CCZ1B: variants seen among roughly 807,000 people sequenced by gnomAD.
The protein encoded by CCZ1B is vacuolar fusion protein CCZ1 homolog B.
In CCZ1B, 25 loss-of-function variants were observed where a neutral mutation model predicts 58.8. The ratio of observed to expected loss-of-function variants is 0.43; its 90% confidence interval spans 0.31 to 0.59. The LOEUF (loss-of-function observed/expected upper bound fraction) is 0.59. Among genes scored for constraint, CCZ1B ranks in the 20% least tolerant of loss-of-function variants. The pLI is 0.12. For synonymous variants in CCZ1B, 66 were observed against 173.2 expected, an observed-to-expected ratio of 0.38 and a Z score of 4.86; for missense variants, 180 against 501.5, an observed-to-expected ratio of 0.36 and a Z score of 6.12.
At chr7:6,823,291 T>C (rs1783140849) in intron 5 of CCZ1B, 22 bp downstream of exon 5, 1 of 1,605,122 alleles carries the variant, frequency 6.2e-7, no homozygotes, top group Non-Finnish European at 8.5e-7. Flanking sequence ...GACTCTGAGT[T>C]GAGAAAGAAC....
chr7:6,813,437 G>T (rs185690932), intron 8 of CCZ1B, among the ~76,000 whole-genome samples: 1 of 149,318 alleles, frequency 6.7e-6, no homozygotes, highest in Admixed American at 6.7e-5. Context: ...AATTAACCAG[G>T]TGTGGTGGCA....
At chr7:6,811,918 C>A (rs1264137909) in intron 10 of CCZ1B, 34 bp downstream of exon 10, 2 of 1,595,906 alleles carry the variant, frequency 1.3e-6, no homozygotes, top group Non-Finnish European at 8.5e-7. Flanking sequence ...CATTTCAGCA[C>A]AATCATTAAC....
At chr7:6,809,613 A>G (rs1286746161) in intron 10 of CCZ1B, among the ~76,000 whole-genome samples, 2 of 128,160 alleles carry the variant, frequency 1.6e-5, no homozygotes, top group Non-Finnish European at 3.2e-5. Context: ...TCTGAATTAC[A>G]CCTCCAACAT....
rs544082239 is a variant in CCZ1B, at chr7:6,818,566, A to G, written c.698+1200T>C. The stretch of plus-strand genomic sequence containing the variant: ...CCGTTAGAAAGAAAGAAAGAAAGAC[A>G]GAAAGAAAGACAGAAAGAAAGACAG... On this transcript the variant is annotated intron_variant, in intron 7 of 14. Transcript: ENST00000316731. 8.5e-3 allele frequency among the ~76,000 whole-genome samples: 785 copies of G among 92,546 alleles called. 1 individual carries two copies. The highest frequency in any genetic ancestry group is 0.033 in the Middle Eastern group (6 of 182). The allele number at this position is 92,546 out of a possible 152,430, so 60.7% of individuals were successfully genotyped here.
At chr7:6,813,996 A>C (rs1222222654) in intron 8 of CCZ1B, among the ~76,000 whole-genome samples, 4 of 147,744 alleles carry the variant, frequency 2.7e-5, no homozygotes, top group Non-Finnish European at 4.5e-5. Flanking sequence ...AAATATAAAA[A>C]TTAGCCAGGC....
rs764809344 is a variant in CCZ1B at position 6,819,943 on chromosome 7, T to C, written c.523-2A>G. On this transcript the variant is annotated splice_acceptor_variant, in intron 6 of 14. Transcript: ENST00000316731. LOFTEE classifies it high-confidence loss of function. ...CTGCAAATGTAGCGTTTGCAAATACTGTGGAAAAAAAATAAGGCATAAAAT... is the reference window on the plus strand; with the variant it reads ...CTGCAAATGTAGCGTTTGCAAATACCGTGGAAAAAAAATAAGGCATAAAAT... 6 of 1,606,300 alleles carry C rather than the reference T, an allele frequency of 3.7e-6. No homozygotes were observed. Among genetic ancestry groups the C allele is most frequent in the South Asian group, 2.2e-5 (2 of 90,460 alleles).
Position 6,819,993 on chromosome 7 carries a change from T to G in CCZ1B, c.523-52A>C, listed in dbSNP as rs777940599. 11 of 1,405,792 alleles carry G rather than the reference T, an allele frequency of 7.8e-6. No individual in the cohort carries two copies. In the South Asian group the frequency reaches 1.4e-4, roughly 17 times the overall value. The allele number at this position is 1,405,792 out of a possible 1,614,324, so 87.1% of individuals were successfully genotyped here. On this transcript the variant is annotated intron_variant, in intron 6 of 14. Coordinates refer to ENST00000316731, the MANE Select transcript of CCZ1B (RefSeq NM_198097.5). ...TTTACTAATAGTACACTGAATATAA[T>G]GCTCCTTGATAACTGAAAATAATCT...
At chr7:6,824,313 A>G (rs894177389) in intron 3 of CCZ1B, 142 bp downstream of exon 3, 1 of 1,447,022 alleles carries the variant, frequency 6.9e-7, no homozygotes, top group African/African-American at 1.5e-5. Flanking sequence ...AATAGGAAGA[A>G]CTTGATTTTA....
chr7:6,819,692 G>A lies in CCZ1B; in HGVS notation c.698+74C>T, dbSNP rs1047004708. The A allele has an allele frequency of 2.1e-4, 180 of 840,116 alleles. 6 individuals carry two copies. Among genetic ancestry groups the A allele is most frequent in the Non-Finnish European group, 1.1e-4 (60 of 547,690 alleles). The allele number at this position is 840,116 out of a possible 1,614,324, so 52.0% of individuals were successfully genotyped here. On this transcript the variant is annotated intron_variant, in intron 7 of 14. Transcript: ENST00000316731. ...GCTGCAAGTTCCTGTTTGACAACCT[G>A]TCATCAATCCAGTCACTGCTGTTTT... is the stretch of plus-strand genomic sequence containing the variant.
At position 6,810,912 on chromosome 7, in the gene CCZ1B, G is replaced by T. The variant is rs1420627993; in HGVS notation, c.954+1040C>A. ...TGACCAGAGATGGAGGCTTCACTCT[G>T]AGTGTAGGATGAAGGTCTCAGTTCT... On this transcript the variant is annotated intron_variant, in intron 10 of 14. Coordinates refer to ENST00000316731, the MANE Select transcript of CCZ1B (RefSeq NM_198097.5). Among the ~76,000 whole-genome samples, 23 of 150,126 alleles carry T rather than the reference G, an allele frequency of 1.5e-4. 1 individual carries two copies. The highest frequency in any genetic ancestry group is 2.4e-4 in the Non-Finnish European group (16 of 67,846).
intron 9 of CCZ1B, 63 bp from the exon 10 acceptor site, chr7:6,812,126 A>G (rs1461602475): frequency 5.1e-6 from 5 of 984,808 alleles, no homozygotes; most frequent in South Asian, 4.2e-5. Flanking sequence ...GAATCTAGAA[A>G]CAGAACACAC....
Position 6,819,033 on chromosome 7 carries a change from C to T in CCZ1B, c.698+733G>A, listed in dbSNP as rs986925741. On this transcript the variant is annotated intron_variant, in intron 7 of 14. Coordinates refer to ENST00000316731, the MANE Select transcript of CCZ1B (RefSeq NM_198097.5). ...GGTGCAGTGGCTCGTGCCTGTAATCCCAGCACTTTGGGAGGCTGAGGCGGG... is the reference window on the plus strand; with the variant it reads ...GGTGCAGTGGCTCGTGCCTGTAATCTCAGCACTTTGGGAGGCTGAGGCGGG... 4.9e-5 allele frequency among the ~76,000 whole-genome samples: 7 copies of T among 143,898 alleles called. 1 individual carries two copies. The highest frequency in any genetic ancestry group is 1.0e-4 in the Non-Finnish European group (7 of 66,700). 94.4% of individuals were successfully genotyped at this position (143,898 alleles called of 152,430 possible). A position where few individuals can be genotyped will look rare whatever the true frequency, so the allele number is the denominator to read the frequency against.
intron 7 of CCZ1B, among the ~76,000 whole-genome samples, chr7:6,819,061 G>C (rs1165278689): frequency 2.2e-5 from 3 of 133,908 alleles, no homozygotes; most frequent in Non-Finnish European, 4.7e-5. Flanking sequence ...GAGGCGGGTG[G>C]ATCGCTTGAG....
intron 10 of CCZ1B, among the ~76,000 whole-genome samples, chr7:6,807,755 TCA>T (rs1408613372): frequency 7.3e-6 from 1 of 137,434 alleles, no homozygotes; most frequent in Non-Finnish European, 1.6e-5. Flanking sequence ...AGAAACAAAA[TCA>T]AAATAAACCT....
chr7:6,803,765 C>T (rs1782794340), intron 12 of CCZ1B, among the ~76,000 whole-genome samples: 1 of 150,656 alleles, frequency 6.6e-6, no homozygotes, highest in Non-Finnish European at 1.5e-5. Flanking sequence ...AGTTCGAGAC[C>T]AGTCTGACCA....
intron 7 of CCZ1B, among the ~76,000 whole-genome samples, chr7:6,818,470 A>C (rs1233014410): frequency 6.7e-6 from 1 of 148,994 alleles, no homozygotes; most frequent in Non-Finnish European, 1.5e-5. Flanking sequence ...AATCGCTTGA[A>C]CCCAGGAAGG....
At chr7:6,811,563 C>T (rs1296348512) in intron 10 of CCZ1B, 1 of 263,590 alleles carries the variant, frequency 3.8e-6, no homozygotes, top group African/African-American at 2.4e-5. Context: ...AAAATACGAT[C>T]CTTATGGAAT....
At position 6,813,747 on chromosome 7, in the gene CCZ1B, C is replaced by T. The variant is rs11976027; in HGVS notation, c.781-710G>A. ...GTGGAAAGCCAGGTAGGCACTAAAA[C>T]ATCTACTGAAAATTAGGTCTCCTGT... On this transcript the variant is annotated intron_variant, in intron 8 of 14. Coordinates refer to ENST00000316731, the MANE Select transcript of CCZ1B (RefSeq NM_198097.5). Among the ~76,000 whole-genome samples, 222 of 149,636 alleles carry T rather than the reference C, an allele frequency of 1.5e-3. 10 individuals carry two copies. The highest frequency in any genetic ancestry group is 5.3e-3 in the African/African-American group (210 of 39,668).
rs1328320454 is a variant in CCZ1B, at chr7:6,818,682, A to AC, written c.698+1083_698+1084insG. Among the ~76,000 whole-genome samples, 32 of 78,778 alleles carry AC rather than the reference A, an allele frequency of 4.1e-4. 2 individuals carry two copies. Among genetic ancestry groups the AC allele is most frequent in the African/African-American group, 1.7e-3 (29 of 17,444 alleles). The allele number at this position is 78,778 out of a possible 152,430, so 51.7% of individuals were successfully genotyped here. A position where few individuals can be genotyped will look rare whatever the true frequency, so the allele number is the denominator to read the frequency against. On this transcript the variant is annotated intron_variant, in intron 7 of 14. Transcript: ENST00000316731. Reference sequence around the variant, plus strand: ...GAAAGACAGACAGAAAGAAAGAAAGAAAGAAAGAAAGACAAGAAAGAAAGA... The same window carrying AC: ...GAAAGACAGACAGAAAGAAAGAAAGACAAGAAAGAAAGACAAGAAAGAAAGA...
Sources: allele counts gnomAD v4.1 joint callset (sites outside exome capture counted in the v4.1 genomes callset), GRCh38; gene constraint gnomAD v4.1.1; transcripts MANE v1.5; gene names NCBI Gene and HGNC (gene_info 2026-07-23, HGNC 2026-07-21).